RNF138: variants seen among roughly 807,000 people sequenced by gnomAD.
The protein encoded by RNF138 is ring finger protein 138.
RNF138 carries 12 observed loss-of-function variants against 31.0 expected under a neutral mutation model. That is an observed-to-expected ratio of 0.39 (90% CI 0.25 to 0.63). The LOEUF (loss-of-function observed/expected upper bound fraction) is 0.63, where lower values mean the gene tolerates loss of function less well. RNF138 is among the 20% of genes least tolerant of loss of function. RNF138 has a pLI of 0.52. For missense variants in RNF138, 192 were observed against 300.1 expected (o/e 0.64, Z 2.66); for synonymous variants, 105 against 99.5 (o/e 1.06, Z -0.33).
At chr18:32,095,036 G>T (rs1393720576) in intron 2 of RNF138, among the ~76,000 whole-genome samples, 1 of 152,156 alleles carries the variant, frequency 6.6e-6, no homozygotes, top group African/African-American at 2.4e-5. Flanking sequence ...TACGTAGACA[G>T]TTCTGCCTGA....
intron 4 of RNF138, among the ~76,000 whole-genome samples, chr18:32,121,449 C>G (rs1016004572): frequency 6.6e-6 from 1 of 152,148 alleles, no homozygotes; most frequent in African/African-American, 2.4e-5. Flanking sequence ...GAGCCGCGGT[C>G]GCGCCACTGC....
rs1167535943 is a variant in RNF138, at chr18:32,102,195, CTTTTTTTTTT to C, written c.110+9324_110+9333del. 6.5e-3 allele frequency among the ~76,000 whole-genome samples: 414 copies of C among 63,850 alleles called. 3 individuals carry two copies. Among genetic ancestry groups the C allele is most frequent in the African/African-American group, 0.024 (381 of 16,074 alleles). The allele number at this position is 63,850 out of a possible 152,430, so 41.9% of individuals were successfully genotyped here. Reference sequence around the variant, plus strand: ...ACCACACCTGACCTTCTTTTAGTTTCTTTTTTTTTTTTTTTTTTTTTTTTGAGACGGAGTC... The same window carrying C: ...ACCACACCTGACCTTCTTTTAGTTTCTTTTTTTTTTTTTTGAGACGGAGTC... On this transcript the variant is annotated intron_variant, in intron 2 of 7. Transcript: ENST00000261593.
Position 32,100,624 on chromosome 18 carries a change from C to T in RNF138, c.110+7738C>T, listed in dbSNP as rs575907519. On this transcript the variant is annotated intron_variant, in intron 2 of 7. Coordinates refer to ENST00000261593, the MANE Select transcript of RNF138 (RefSeq NM_016271.5). ...CCAAGTAGCTGGGATTAAAGGCATG[C>T]GCCACCAGGCCTGGCTAATTTTGTA... Among the ~76,000 whole-genome samples the T allele has an allele frequency of 5.0e-3, 755 of 152,116 alleles. 7 individuals carry two copies. The highest frequency in any genetic ancestry group is 0.017 in the African/African-American group (711 of 41,502).
chr18:32,120,963 C>G (rs949584251), intron 4 of RNF138, among the ~76,000 whole-genome samples: 1 of 151,834 alleles, frequency 6.6e-6, no homozygotes, highest in Non-Finnish European at 1.5e-5. Context: ...TGGTGAAACC[C>G]TGTCTCTACT....
chr18:32,101,982 T>C (rs563467899), intron 2 of RNF138, among the ~76,000 whole-genome samples: 1 of 151,356 alleles, frequency 6.6e-6, no homozygotes, highest in East Asian at 1.9e-4. Flanking sequence ...GCTTAAGCGA[T>C]CCTCCCACCT....
At position 32,130,380 on chromosome 18, in the gene RNF138, A is replaced by G. The variant is rs1432293979; in HGVS notation, c.*1193A>G. On this transcript the variant is annotated 3_prime_UTR_variant, in exon 8 of 8. Coordinates refer to ENST00000261593, the MANE Select transcript of RNF138 (RefSeq NM_016271.5). ...ATGTGTGACCGTGATATAGTGAGAA[A>G]GATTCTACCAACCACTGTTTCACTA... 7 of 152,416 alleles carry G rather than the reference A, an allele frequency of 4.6e-5. No individual in the cohort carries two copies. The highest frequency in any genetic ancestry group is 4.6e-4 in the Admixed American group (7 of 15,260). 9.4% of individuals were successfully genotyped at this position (152,416 alleles called of 1,614,324 possible).
At chr18:32,105,485 A>C (rs1464256747) in intron 2 of RNF138, among the ~76,000 whole-genome samples, 3 of 152,236 alleles carry the variant, frequency 2.0e-5, no homozygotes, top group African/African-American at 7.2e-5. Flanking sequence ...TTTATCTTTG[A>C]TAGACGTGAC....
chr18:32,100,843 G>A (rs117484563), intron 2 of RNF138, among the ~76,000 whole-genome samples: 2,038 of 152,276 alleles, frequency 0.013, 142 homozygotes, highest in Admixed American at 0.11. Context: ...GAGCTCAAGC[G>A]ATCTGCTCGC....
chr18:32,101,762 A>G (rs945047984), intron 2 of RNF138, among the ~76,000 whole-genome samples: 2 of 152,108 alleles, frequency 1.3e-5, no homozygotes, highest in African/African-American at 2.4e-5. Flanking sequence ...ATCTTTGCCA[A>G]TTTTGTTTTT....
chr18:32,092,888 T>A lies in RNF138; in HGVS notation c.110+2T>A. ...GCGGACCACGGCCTGTCAGCACGTG[T>A]GAGTAGACGCCCCCTCCCCCTCGCG... is the stretch of plus-strand genomic sequence containing the variant. On this transcript the variant is annotated splice_donor_variant, in intron 2 of 7. Coordinates refer to ENST00000261593, the MANE Select transcript of RNF138 (RefSeq NM_016271.5). LOFTEE classifies it high-confidence loss of function. 6.6e-7 allele frequency: 1 copy of A among 1,517,518 alleles called. No individual in the cohort carries two copies. Among genetic ancestry groups the A allele is most frequent in the Non-Finnish European group, 8.9e-7 (1 of 1,123,666 alleles). The allele number at this position is 1,517,518 out of a possible 1,614,324, so 94.0% of individuals were successfully genotyped here.
chr18:32,128,444 A>G (rs1430096815), intron 7 of RNF138, among the ~76,000 whole-genome samples: 1 of 152,176 alleles, frequency 6.6e-6, no homozygotes, highest in Non-Finnish European at 1.5e-5. Flanking sequence ...AGGCTGAGGC[A>G]CAAGAATTGC....
intron 2 of RNF138, among the ~76,000 whole-genome samples, chr18:32,108,680 T>A (rs1320205912): frequency 1.3e-5 from 2 of 152,082 alleles, no homozygotes; most frequent in African/African-American, 4.8e-5. Flanking sequence ...TTTGTTTGGT[T>A]TTTAAATAGA....
At chr18:32,118,568 C>T (rs1022635205) in intron 4 of RNF138, among the ~76,000 whole-genome samples, 1 of 151,792 alleles carries the variant, frequency 6.6e-6, no homozygotes, top group Non-Finnish European at 1.5e-5. Context: ...CAGTGGCTCA[C>T]GCCTGTAATC....
chr18:32,114,003 C>T, intron 4 of RNF138, 143 bp downstream of exon 4: 1 of 492,780 alleles, frequency 2.0e-6, no homozygotes, highest in East Asian at 3.6e-5. Context: ...AGTATCAGAA[C>T]TACAGCATTT....
intron 7 of RNF138, among the ~76,000 whole-genome samples, chr18:32,128,742 G>C (rs2040424574): frequency 6.6e-6 from 1 of 151,984 alleles, no homozygotes; most frequent in Admixed American, 6.5e-5. Context: ...CAAACTCATA[G>C]GCTCAAACTG....
chr18:32,092,921 G>T, intron 2 of RNF138, 35 bp downstream of exon 2: 5 of 1,325,766 alleles, frequency 3.8e-6, no homozygotes, highest in Non-Finnish European at 5.1e-6. Context: ...GCGGAGCCGG[G>T]TTGTCGCTTA....
chr18:32,101,240 A>C (rs2039934354), intron 2 of RNF138, among the ~76,000 whole-genome samples: 1 of 148,228 alleles, frequency 6.7e-6, no homozygotes, highest in African/African-American at 2.5e-5. Flanking sequence ...TCAAAGACAG[A>C]GTCTGGCTCT....
chr18:32,119,848 T>C (rs1490943654), intron 4 of RNF138, among the ~76,000 whole-genome samples: 1 of 152,252 alleles, frequency 6.6e-6, no homozygotes, highest in Admixed American at 6.5e-5. Context: ...TTTTTTCCTG[T>C]TTGATAATCT....
At chr18:32,100,959 T>C (rs962119389) in intron 2 of RNF138, among the ~76,000 whole-genome samples, 8 of 152,142 alleles carry the variant, frequency 5.3e-5, no homozygotes, top group Admixed American at 3.3e-4. Flanking sequence ...ATTACAAATG[T>C]ATAGGTTTCG....
Sources: gnomAD v4.1 joint callset for allele counts (sites outside exome capture counted in the v4.1 genomes callset) on GRCh38, gnomAD v4.1.1 for gene constraint, MANE v1.5 for transcripts, NCBI Gene and HGNC (gene_info 2026-07-23, HGNC 2026-07-21) for gene names.